The following ADGRV1 variants were observed in gnomAD, a reference collection of about 807,000 sequenced individuals.
ADGRV1 encodes adhesion G protein-coupled receptor V1.
Under a neutral mutation model 596.2 loss-of-function variants are expected in ADGRV1, and 359 were observed. The observed-to-expected ratio is 0.60, with a 90% CI of 0.55 to 0.66. The LOEUF (loss-of-function observed/expected upper bound fraction) is 0.66, where lower values mean the gene tolerates loss of function less well. Ranked by LOEUF, ADGRV1 falls within the 30% of genes least tolerant of loss-of-function variation. ADGRV1 has a pLI of 0.00. For missense variants in ADGRV1, 7,274 were observed against 7,575.6 expected (o/e 0.96, Z 1.48); for synonymous variants, 2,681 against 2,679.2 (o/e 1.00, Z -0.02).
chr5:90,912,530 C>T (rs1187929670), intron 83 of ADGRV1, among the ~76,000 whole-genome samples: 1 of 152,116 alleles, frequency 6.6e-6, no homozygotes, highest in East Asian at 1.9e-4. Context: ...AACACTTTCT[C>T]CCCTCCCTCC....
intron 1 of ADGRV1, among the ~76,000 whole-genome samples, chr5:90,584,249 A>C (rs1297720040): frequency 6.6e-6 from 1 of 152,226 alleles, no homozygotes; most frequent in Non-Finnish European, 1.5e-5. Flanking sequence ...ATTATTAATG[A>C]TTCGGGTGCC....
intron 33 of ADGRV1, among the ~76,000 whole-genome samples, chr5:90,694,971 G>A (rs569918951): frequency 6.6e-6 from 1 of 152,214 alleles, no homozygotes; most frequent in African/African-American, 2.4e-5. Context: ...TTTGATAGTA[G>A]TGTCTTTGAC....
intron 70 of ADGRV1, among the ~76,000 whole-genome samples, chr5:90,795,998 G>T (rs1436463749): frequency 6.6e-6 from 1 of 152,182 alleles, no homozygotes; most frequent in African/African-American, 2.4e-5. Context: ...ACCAAAGGTA[G>T]GTAAATCCAC....
At chr5:90,745,829 A>G in intron 52 of ADGRV1, 34 bp downstream of exon 52, 1 of 1,196,186 alleles carries the variant, frequency 8.4e-7, no homozygotes, top group Non-Finnish European at 1.2e-6. Flanking sequence ...CTTGCAATGC[A>G]AAATGTTTTA....
Position 90,863,841 on chromosome 5 carries a change from C to T in ADGRV1, c.17840C>T (p.Ala5947Val). 6.2e-7 allele frequency: 1 copy of T among 1,610,862 alleles called. No homozygotes were observed. Among genetic ancestry groups the T allele is most frequent in the Non-Finnish European group, 8.5e-7 (1 of 1,177,126 alleles). The change falls in exon 83 of 90, where the codon GCC (alanine) becomes GTC (valine). Residue 5947 changes from alanine (A) to valine (V), a missense_variant. By Grantham distance (64) the Ala-to-Val change is moderately conservative (BLOSUM62 0). This residue lies in a region of ADGRV1 where 1,874 missense variants were observed against 1,970.2 expected (regional missense o/e 0.95). Transcript: ENST00000405460. The stretch of plus-strand genomic sequence containing the variant: ...AAACTTCTGACTCACATGATGGCAG[C>T]CAGCTTAGGTACACAGGTAGGAGAG... ...AAKLLTHMMA[A>V]SLGTQILFLA...
chr5:90,665,121 G>T (rs1410240688), intron 21 of ADGRV1, among the ~76,000 whole-genome samples: 1 of 149,358 alleles, frequency 6.7e-6, no homozygotes, highest in Non-Finnish European at 1.5e-5. Context: ...AATGATGCTG[G>T]CCTCATAAAA....
At chr5:91,051,851 G>T (rs554492229) in intron 85 of ADGRV1, among the ~76,000 whole-genome samples, 2 of 152,092 alleles carry the variant, frequency 1.3e-5, no homozygotes, top group South Asian at 2.1e-4. Context: ...TATGTAAGTG[G>T]ACTTTTTTAC....
In ADGRV1 at chr5:90,778,950, G is replaced by T. The variant is rs771225820; in HGVS notation, c.12935G>T (p.Gly4312Val). 3.1e-6 allele frequency: 5 copies of T among 1,613,542 alleles called. No individual in the cohort carries two copies. Among genetic ancestry groups the T allele is most frequent in the Non-Finnish European group, 2.5e-6 (3 of 1,179,580 alleles). ...YKTMSGTAEA[G>V]LDFVPAAGEL... ...ACGATGAGCGGGACAGCGGAAGCAG[G>T]CTTGGATTTTGTTCCTGCAGCAGGG... The change falls in exon 64 of 90, where the codon GGC (glycine) becomes GTC (valine). Residue 4312 changes from glycine to valine, a missense_variant. Gly to Val is a moderately radical substitution (Grantham distance 109). Transcript: ENST00000405460.
At chr5:91,156,961 A>G (rs1314488590) in intron 89 of ADGRV1, among the ~76,000 whole-genome samples, 1 of 152,250 alleles carries the variant, frequency 6.6e-6, no homozygotes, top group Non-Finnish European at 1.5e-5. Context: ...TTCTAAAAAT[A>G]TAGAATTTCT....
intron 71 of ADGRV1, among the ~76,000 whole-genome samples, chr5:90,804,714 C>G (rs1194828168): frequency 6.6e-6 from 1 of 152,084 alleles, no homozygotes; most frequent in Non-Finnish European, 1.5e-5. Context: ...CTTATTTCAT[C>G]TATAAATCAC....
chr5:90,695,062 A>C (rs1747014580), intron 33 of ADGRV1, among the ~76,000 whole-genome samples: 1 of 152,214 alleles, frequency 6.6e-6, no homozygotes, highest in African/African-American at 2.4e-5. Flanking sequence ...ACAACCATAC[A>C]TGTTGGTAAG....
rs775441384 is a variant in ADGRV1 at position 90,644,882 on chromosome 5, T to C, written c.2898+13T>C. 1 of 1,535,030 alleles carries C rather than the reference T, an allele frequency of 6.5e-7. No individual in the cohort carries two copies. The highest frequency in any genetic ancestry group is 2.1e-5 in the Admixed American group (1 of 48,128). On this transcript the variant is annotated intron_variant, in intron 15 of 89. Coordinates refer to ENST00000405460, the MANE Select transcript of ADGRV1 (RefSeq NM_032119.4). ...CCTTCCAGATGAGGTAAATATTGCA[T>C]ATAACTTTCTGCCTTACTTGTTGTA... is the stretch of plus-strand genomic sequence containing the variant.
At chr5:90,952,143 C>G (rs923254643) in intron 83 of ADGRV1, among the ~76,000 whole-genome samples, 9 of 152,156 alleles carry the variant, frequency 5.9e-5, no homozygotes, top group Admixed American at 5.2e-4. Flanking sequence ...AATTCTTTCT[C>G]TCTTTTTAGT....
intron 29 of ADGRV1, among the ~76,000 whole-genome samples, chr5:90,688,690 T>C (rs955348509): frequency 2.0e-5 from 3 of 152,152 alleles, no homozygotes; most frequent in Admixed American, 2.0e-4. Flanking sequence ...CCAAATTATC[T>C]ATGAATTTGA....
intron 84 of ADGRV1, among the ~76,000 whole-genome samples, chr5:90,983,892 C>A (rs1328290406): frequency 2.0e-5 from 3 of 152,160 alleles, no homozygotes; most frequent in Admixed American, 2.0e-4. Flanking sequence ...GGTACAGATA[C>A]AATCTTACTC....
chr5:90,811,232 G>T lies in ADGRV1; in HGVS notation c.15972G>T (p.Gly5324=). Reference sequence around the variant, plus strand: ...TTTTGGATGATGATGAGCCTGAGGGGCAGGAATTCTTCTACGTGTTTCTCA... The same window carrying T: ...TTTTGGATGATGATGAGCCTGAGGGTCAGGAATTCTTCTACGTGTTTCTCA... ...VQILDDDEPE[G]QEFFYVFLTN... is the part of the protein sequence containing the mutation. Residue 5324 remains glycine (G), a synonymous_variant, in exon 74 of 90, where the codon GGG becomes GGT. Coordinates refer to ENST00000405460, the MANE Select transcript of ADGRV1 (RefSeq NM_032119.4). 6.2e-7 allele frequency: 1 copy of T among 1,612,762 alleles called. No individual in the cohort carries two copies. Among genetic ancestry groups the T allele is most frequent in the Non-Finnish European group, 8.5e-7 (1 of 1,179,256 alleles).
At chr5:91,081,720 A>G (rs1310950396) in intron 86 of ADGRV1, among the ~76,000 whole-genome samples, 1 of 152,218 alleles carries the variant, frequency 6.6e-6, no homozygotes, top group Non-Finnish European at 1.5e-5. Context: ...CGGGAGGCAG[A>G]GGTTGCAGTG....
intron 75 of ADGRV1, 28 bp downstream of exon 75, chr5:90,815,764 C>T (rs368634767): frequency 9.0e-5 from 104 of 1,158,016 alleles, no homozygotes; most frequent in Non-Finnish European, 1.2e-4. Flanking sequence ...ATATGGAAGA[C>T]GTAACATTCT....
chr5:90,739,639 C>T (rs1378665136), intron 50 of ADGRV1, among the ~76,000 whole-genome samples: 1 of 152,184 alleles, frequency 6.6e-6, no homozygotes, highest in Non-Finnish European at 1.5e-5. Flanking sequence ...AGAGCTGTTG[C>T]CTGGGCGTAG....
Sources: allele counts gnomAD v4.1 joint callset (sites outside exome capture counted in the v4.1 genomes callset), GRCh38; gene constraint gnomAD v4.1.1; regional missense constraint gnomAD v4.1.1; transcripts MANE v1.5; gene names NCBI Gene and HGNC (gene_info 2026-07-23, HGNC 2026-07-21).